ZC3H18: variants seen among roughly 807,000 people sequenced by gnomAD.
ZC3H18 encodes the protein zinc finger CCCH domain-containing protein 18.
In ZC3H18, 8 loss-of-function variants were observed where a neutral mutation model predicts 106.1. That is an observed-to-expected ratio of 0.08 (90% confidence interval 0.04 to 0.14). The LOEUF (loss-of-function observed/expected upper bound fraction) is 0.14, where lower values mean the gene tolerates loss of function less well. Ranked by LOEUF, ZC3H18 falls within the 10% of genes least tolerant of loss-of-function variation. The pLI, the probability that ZC3H18 is intolerant of heterozygous loss-of-function variation, is 1.00. For synonymous variants in ZC3H18, 635 were observed against 522.1 expected, an observed-to-expected ratio of 1.22 and a Z score of -2.95; for missense variants, 1,318 against 1,278.4, an observed-to-expected ratio of 1.03 and a Z score of -0.47.
At chr16:88,580,200 GTGTGTGTGTA>G (rs748707386) in intron 2 of ZC3H18, among the ~76,000 whole-genome samples, 8,877 of 104,516 alleles carry the variant, frequency 0.085, 354 homozygotes, top group South Asian at 0.098. Flanking sequence ...GTGTGTGTGT[GTGTGTGTGTA>G]TATGTATATG....
intron 11 of ZC3H18, 183 bp downstream of exon 11, chr16:88,624,245 C>T (rs1906152351): frequency 2.5e-6 from 2 of 812,712 alleles, no homozygotes; most frequent in East Asian, 5.4e-5. Context: ...TCACGGGCCA[C>T]CCTTACACAG....
rs767412486 is a variant in ZC3H18, at chr16:88,627,576, C to A, written c.2109-46C>A. ...CATGGAGCACCCCCTGCTGGCCCCT[C>A]CCTCCAGTCTGGCTGGGGTGTGGTG... On this transcript the variant is annotated intron_variant, in intron 13 of 17. Transcript: ENST00000301011. The surrounding 1 kb of genome is among the most constrained non-coding windows in gnomAD (Gnocchi z 4.5). The A allele has an allele frequency of 3.2e-6, 5 of 1,560,824 alleles. No individual in the cohort carries two copies. The highest frequency in any genetic ancestry group is 4.4e-6 in the Non-Finnish European group (5 of 1,148,102).
intron 3 of ZC3H18, 82 bp downstream of exon 3, chr16:88,586,766 GC>G: frequency 9.1e-7 from 1 of 1,094,328 alleles, no homozygotes; most frequent in Non-Finnish European, 1.4e-6. Flanking sequence ...ACCTTGCCAG[GC>G]CCTGCTCTGC....
intron 8 of ZC3H18, among the ~76,000 whole-genome samples, chr16:88,614,881 C>A (rs1389372868): frequency 6.6e-6 from 1 of 152,228 alleles, no homozygotes; most frequent in Non-Finnish European, 1.5e-5. Context: ...AGCCCAGCAC[C>A]CCGTGCACAC....
At chr16:88,621,550 G>GT (rs1311250935) in intron 8 of ZC3H18, among the ~76,000 whole-genome samples, 1 of 152,070 alleles carries the variant, frequency 6.6e-6, no homozygotes, top group Non-Finnish European at 1.5e-5. Flanking sequence ...TAGACATGGA[G>GT]TTTCACCATG....
intron 3 of ZC3H18, among the ~76,000 whole-genome samples, chr16:88,596,513 G>A (rs1006713522): frequency 3.3e-5 from 5 of 152,076 alleles, no homozygotes; most frequent in East Asian, 1.9e-4. Context: ...GGTGGTACCC[G>A]CCTGTAATCC....
intron 8 of ZC3H18, among the ~76,000 whole-genome samples, chr16:88,619,972 T>G (rs893902293): frequency 8.5e-5 from 13 of 152,176 alleles, no homozygotes; most frequent in African/African-American, 2.9e-4. Context: ...GGATTACTTT[T>G]CCAGGAGACA....
intron 2 of ZC3H18, among the ~76,000 whole-genome samples, chr16:88,582,819 G>C (rs935593508): frequency 1.3e-5 from 2 of 152,206 alleles, no homozygotes; most frequent in African/African-American, 4.8e-5. Flanking sequence ...AAGCTGGCGT[G>C]AGGCTGCTCA....
Position 88,599,797 on chromosome 16 carries a change from A to G in ZC3H18, c.937A>G (p.Lys313Glu). 6.2e-7 allele frequency: 1 copy of G among 1,607,534 alleles called. No individual in the cohort carries two copies. The highest frequency in any genetic ancestry group is 8.5e-7 in the Non-Finnish European group (1 of 1,178,114). Residue 313 changes from lysine (K) to glutamate (E), a missense_variant, in exon 6 of 18, where the codon AAA becomes GAA. Around this residue, in one of 6 missense-constraint regions of ZC3H18, gnomAD observed 848 missense variants for 821.7 expected, o/e 1.03. Coordinates refer to ENST00000301011, the MANE Select transcript of ZC3H18 (RefSeq NM_144604.4). Reference sequence around the variant, plus strand: ...TTTCTTCTTACAATGGTAGGTTTTAAAAAAAGCAACTATTCGAAAAGAACA... The same window carrying G: ...TTTCTTCTTACAATGGTAGGTTTTAGAAAAAGCAACTATTCGAAAAGAACA... ...RGLRHAKEVL[K>E]KATIRKEQEP...
chr16:88,623,075 C>G (rs1381274979), intron 9 of ZC3H18, 144 bp from the exon 10 acceptor site: 2 of 1,191,070 alleles, frequency 1.7e-6, no homozygotes, highest in Non-Finnish European at 2.3e-6. Flanking sequence ...GTGCGCGCGT[C>G]TGCAGCTGTG....
intron 17 of ZC3H18, 124 bp downstream of exon 17, chr16:88,630,705 C>G: frequency 1.2e-5 from 8 of 681,558 alleles, no homozygotes; most frequent in Non-Finnish European, 1.6e-5. Context: ...ACAGCTCCTG[C>G]TGGTCTGACG....
At chr16:88,581,516 C>T (rs1915127909) in intron 2 of ZC3H18, among the ~76,000 whole-genome samples, 1 of 152,202 alleles carries the variant, frequency 6.6e-6, no homozygotes. Flanking sequence ...CAAGTATCTT[C>T]TGGAAGTGCC....
chr16:88,594,076 C>G (rs535803809), intron 3 of ZC3H18, among the ~76,000 whole-genome samples: 2 of 152,284 alleles, frequency 1.3e-5, no homozygotes, highest in East Asian at 3.9e-4. Context: ...GCCCCTCCCT[C>G]TCTAGCTGCA....
In ZC3H18 at chr16:88,585,126, A is replaced by G. The variant is rs576225300; in HGVS notation, c.604-1474A>G. ...TCCTGTCACTTGGCATAAATTAAAC[A>G]TGCCTTCTCTGATCATTTCTTTTTT... is the stretch of plus-strand genomic sequence containing the variant. On this transcript the variant is annotated intron_variant, in intron 2 of 17. Coordinates refer to ENST00000301011, the MANE Select transcript of ZC3H18 (RefSeq NM_144604.4). 2.0e-5 allele frequency among the ~76,000 whole-genome samples: 3 copies of G among 152,344 alleles called. No individual in the cohort carries two copies. In the East Asian group the frequency reaches 5.8e-4, roughly 29 times the overall value.
chr16:88,597,021 C>T (rs1339027996), intron 3 of ZC3H18, among the ~76,000 whole-genome samples: 7 of 152,278 alleles, frequency 4.6e-5, no homozygotes, highest in African/African-American at 7.2e-5. Context: ...CCTGGGTTCA[C>T]GCCATTCTCC....
intron 6 of ZC3H18, among the ~76,000 whole-genome samples, chr16:88,602,512 A>G (rs1364950657): frequency 6.6e-6 from 1 of 152,258 alleles, no homozygotes; most frequent in Non-Finnish European, 1.5e-5. Flanking sequence ...GACCCCAGGA[A>G]GACTGAGTCT....
At chr16:88,571,591 C>T (rs1363744852) in intron 1 of ZC3H18, 2 of 985,090 alleles carry the variant, frequency 2.0e-6, no homozygotes, top group Non-Finnish European at 2.4e-6. Flanking sequence ...GTCCCAAAGC[C>T]GGAAACTCCT....
At chr16:88,623,812 A>G in intron 10 of ZC3H18, 146 bp from the exon 11 acceptor site, 7 of 1,386,856 alleles carry the variant, frequency 5.0e-6, no homozygotes, top group South Asian at 5.0e-5. Flanking sequence ...AGCAGATGAC[A>G]GAACAGTCCA....
At position 88,599,935 on chromosome 16, in the gene ZC3H18, G is replaced by A; in HGVS notation, c.1075G>A (p.Val359Ile). The change falls in exon 6 of 18, where the codon GTC becomes ATC. Residue 359 changes from valine to isoleucine, a missense_variant. Val to Ile is a conservative substitution (Grantham distance 29). Transcript: ENST00000301011. ...RDWNSRIPRD[V>I]RDTVLEPYAD... ...TTGGAATTCTCGGATCCCGAGAGAT[G>A]TCAGAGACACAGTGTAAGGAATGGC... 6.2e-7 allele frequency: 1 copy of A among 1,614,124 alleles called. No individual in the cohort carries two copies. The highest frequency in any genetic ancestry group is 8.5e-7 in the Non-Finnish European group (1 of 1,179,998).
Sources: allele counts gnomAD v4.1 joint callset (sites outside exome capture counted in the v4.1 genomes callset), GRCh38; gene constraint gnomAD v4.1.1; regional missense constraint gnomAD v4.1.1; non-coding constraint Gnocchi (gnomAD v3.1); transcripts MANE v1.5; gene names NCBI Gene and HGNC (gene_info 2026-07-23, HGNC 2026-07-21).